NALCN: variants seen among roughly 807,000 people sequenced by gnomAD.
The protein encoded by NALCN is sodium leak channel, non-selective.
A neutral mutation model predicts 225.3 loss-of-function variants in NALCN; 111 were observed. The observed-to-expected ratio is 0.49, with a 90% CI of 0.42 to 0.58. NALCN has a LOEUF of 0.58. NALCN is among the 20% of genes least tolerant of loss of function. NALCN has a pLI of 0.00. For synonymous variants in NALCN, 764 were observed against 769.0 expected (o/e 0.99, Z 0.11); for missense variants, 1,378 against 2,202.4 (o/e 0.63, Z 7.49).
chr13:101,148,723 G>T (rs1054995524), intron 15 of NALCN, among the ~76,000 whole-genome samples: 1 of 152,186 alleles, frequency 6.6e-6, no homozygotes, highest in African/African-American at 2.4e-5. Flanking sequence ...CAAATATTCA[G>T]TGAAGGAATA....
At chr13:101,133,200 A>T (rs2036600364) in intron 17 of NALCN, among the ~76,000 whole-genome samples, 1 of 152,162 alleles carries the variant, frequency 6.6e-6, no homozygotes, top group South Asian at 2.1e-4. Context: ...GACCCTAGAA[A>T]CCACCTTCAG....
At position 101,065,493 on chromosome 13, in the gene NALCN, C is replaced by A. The variant is rs771879067; in HGVS notation, c.4515G>T (p.Leu1505=). ...RLLRGRLEVD[L]DKDKLLFKHM... ...GCTTAAACAGGAGCTTGTCCTTGTC[C>A]AGGTCCACCTCCAGCCTCCCACGCA... is the stretch of plus-strand genomic sequence containing the variant. The change falls in exon 40 of 44, where the codon CTG becomes CTT. Residue 1505 remains leucine, a synonymous_variant. Transcript: ENST00000251127. 4 of 1,614,180 alleles carry A rather than the reference C, an allele frequency of 2.5e-6. No individual in the cohort carries two copies. The highest frequency in any genetic ancestry group is 3.4e-6 in the Non-Finnish European group (4 of 1,180,024).
chr13:101,303,760 G>A (rs963548534), intron 7 of NALCN, among the ~76,000 whole-genome samples: 2 of 152,064 alleles, frequency 1.3e-5, no homozygotes, highest in South Asian at 2.1e-4. Context: ...TTGGCAAGAC[G>A]GCTGCACCAG....
intron 6 of NALCN, among the ~76,000 whole-genome samples, chr13:101,364,209 T>C (rs561186215): frequency 6.6e-6 from 1 of 152,200 alleles, no homozygotes; most frequent in South Asian, 2.1e-4. Flanking sequence ...ATCCAGCAAT[T>C]TCACTATTGG....
chr13:101,274,780 C>T (rs9585657), intron 10 of NALCN, among the ~76,000 whole-genome samples: 6,707 of 152,182 alleles, frequency 0.044, 444 homozygotes, highest in African/African-American at 0.14. Context: ...CTGTAATAGC[C>T]TATTTTTTTA....
chr13:101,131,561 AC>A (rs1464743913), intron 17 of NALCN, among the ~76,000 whole-genome samples: 8 of 151,250 alleles, frequency 5.3e-5, no homozygotes, highest in African/African-American at 1.9e-4. Flanking sequence ...TATCCTTATC[AC>A]TCTTGTTCCT....
intron 13 of NALCN, among the ~76,000 whole-genome samples, chr13:101,212,906 A>C (rs2040580673): frequency 6.6e-6 from 1 of 152,192 alleles, no homozygotes; most frequent in South Asian, 2.1e-4. Flanking sequence ...CATCGCCATC[A>C]AGCTACCAAT....
chr13:101,319,903 C>T (rs2044686475), intron 7 of NALCN, among the ~76,000 whole-genome samples: 1 of 152,074 alleles, frequency 6.6e-6, no homozygotes, highest in Non-Finnish European at 1.5e-5. Context: ...TATTCTATTC[C>T]CTAAGCATCT....
rs2044455857 is a variant in NALCN, at chr13:101,313,993, G to T, written c.800-21627C>A. On this transcript the variant is annotated intron_variant, in intron 7 of 43. Coordinates refer to ENST00000251127, the MANE Select transcript of NALCN (RefSeq NM_052867.4). ...ATACTATGCAGCCATAAAAAATGAA[G>T]AGTTCATGTCCTTTGTAGGGACATG... Among the ~76,000 whole-genome samples, 2 of 151,942 alleles carry T rather than the reference G, an allele frequency of 1.3e-5. 1 individual carries two copies. The highest frequency in any genetic ancestry group is 4.2e-4 in the South Asian group (2 of 4,806).
chr13:101,346,096 T>TATATATATAA (rs1240605413), intron 6 of NALCN, among the ~76,000 whole-genome samples: 1 of 142,378 alleles, frequency 7.0e-6, no homozygotes, highest in African/African-American at 2.6e-5. Context: ...TCTATATATA[T>TATATATATAA]ATATATATAT....
chr13:101,116,515 C>G, intron 18 of NALCN: 1 of 516,740 alleles, frequency 1.9e-6, no homozygotes, highest in Non-Finnish European at 3.9e-6. Context: ...GCAGGGGGTC[C>G]CCGGTTCTTT....
chr13:101,360,983 G>C (rs1178506541), intron 6 of NALCN, among the ~76,000 whole-genome samples: 3 of 152,078 alleles, frequency 2.0e-5, no homozygotes, highest in African/African-American at 7.2e-5. Flanking sequence ...ATATCTTTTG[G>C]AGTTTAATTG....
intron 10 of NALCN, among the ~76,000 whole-genome samples, chr13:101,260,728 T>G (rs1459335239): frequency 6.6e-6 from 1 of 152,230 alleles, no homozygotes; most frequent in Non-Finnish European, 1.5e-5. Flanking sequence ...TTATTAGATT[T>G]TTCCTATAGA....
intron 7 of NALCN, among the ~76,000 whole-genome samples, chr13:101,319,329 G>T (rs1760227): frequency 0.41 from 62,005 of 151,926 alleles, 13,005 homozygotes; most frequent in Middle Eastern, 0.47. Context: ...CCTTTAGTTT[G>T]ATGTTCTTGC....
intron 11 of NALCN, among the ~76,000 whole-genome samples, chr13:101,255,656 T>C (rs1401927213): frequency 1.3e-5 from 2 of 152,332 alleles, no homozygotes; most frequent in African/African-American, 4.8e-5. Flanking sequence ...CTCATCGATC[T>C]TCCCACTTCT....
chr13:101,296,546 A>T (rs186354022), intron 7 of NALCN, among the ~76,000 whole-genome samples: 2 of 152,354 alleles, frequency 1.3e-5, no homozygotes, highest in African/African-American at 4.8e-5. Flanking sequence ...GATACATTTA[A>T]AATATTTTTT....
chr13:101,397,660 T>G (rs1357777162), intron 2 of NALCN, among the ~76,000 whole-genome samples: 1 of 151,440 alleles, frequency 6.6e-6, no homozygotes, highest in Non-Finnish European at 1.5e-5. Context: ...AACATGTATA[T>G]ATACCTAAGA....
chr13:101,121,844 C>T (rs2035990374), intron 18 of NALCN, among the ~76,000 whole-genome samples: 1 of 152,064 alleles, frequency 6.6e-6, no homozygotes, highest in Admixed American at 6.6e-5. Context: ...GAGCGGAGTC[C>T]CTAGAGGCAG....
At chr13:101,394,719 C>CT (rs890651983) in intron 3 of NALCN, among the ~76,000 whole-genome samples, 48 of 148,574 alleles carry the variant, frequency 3.2e-4, no homozygotes, top group South Asian at 4.3e-4. Context: ...ATCTCATGTC[C>CT]TTTTTTTTTT....
Sources: allele counts gnomAD v4.1 joint callset (sites outside exome capture counted in the v4.1 genomes callset), GRCh38; gene constraint gnomAD v4.1.1; transcripts MANE v1.5; gene names NCBI Gene and HGNC (gene_info 2026-07-23, HGNC 2026-07-21).